ZNF652: variants seen among roughly 807,000 people sequenced by gnomAD.
ZNF652 encodes the protein zinc finger protein 652.
Under a neutral mutation model 45.2 loss-of-function variants are expected in ZNF652, and 16 were observed. That is an observed-to-expected ratio of 0.35 (90% confidence interval 0.24 to 0.54). The LOEUF is 0.54. Among genes scored for constraint, ZNF652 ranks in the 20% least tolerant of loss-of-function variants. ZNF652 has a pLI of 0.91. For synonymous variants in ZNF652, 250 were observed against 260.6 expected, an observed-to-expected ratio of 0.96 and a Z score of 0.39; for missense variants, 614 against 765.6, an observed-to-expected ratio of 0.80 and a Z score of 2.34.
chr17:49,312,685 C>T lies in ZNF652; in HGVS notation c.1048+13G>A, dbSNP rs774378036. The T allele has an allele frequency of 1.8e-5, 29 of 1,610,726 alleles. No individual in the cohort carries two copies. The highest frequency in any genetic ancestry group is 2.3e-5 in the Non-Finnish European group (27 of 1,178,826). On this transcript the variant is annotated intron_variant, in intron 3 of 5. Coordinates refer to ENST00000430262, the MANE Select transcript of ZNF652 (RefSeq NM_001145365.3). ...GAAAATTATAGGTATAAGAGAAAAG[C>T]AGAAAAACTTACCAACCATGTGTTT...
downstream of ZNF652, among the ~76,000 whole-genome samples, chr17:49,289,030 A>G (rs778568707): frequency 6.6e-6 from 1 of 152,162 alleles, no homozygotes; most frequent in Admixed American, 6.6e-5. Flanking sequence ...TCATGAAGAG[A>G]TCAGGCAGGG....
At position 49,317,326 on chromosome 17, in the gene ZNF652, C is replaced by T; in HGVS notation, c.400G>A (p.Glu134Lys). ...TTGGACTGAGAAGAGACACCCTTTT[C>T]CCCTTTAGATACATTTAATGTTTGA... The part of the protein sequence containing the change: ...NNQTLNVSKG[E>K]KGVSSQSKET... Residue 134 changes from glutamate (E) to lysine (K), a missense_variant, in exon 2 of 6, where the codon GAA becomes AAA. Physicochemically the swap from Glu to Lys is moderately conservative, Grantham distance 56. This residue lies in a region of ZNF652 where 262 missense variants were observed against 306.3 expected (regional missense o/e 0.86). Transcript: ENST00000430262. 1 of 1,613,488 alleles carries T rather than the reference C, an allele frequency of 6.2e-7. No homozygotes were observed. The highest frequency in any genetic ancestry group is 8.5e-7 in the Non-Finnish European group (1 of 1,180,032).
At chr17:49,303,240 C>G (rs979579557) in intron 5 of ZNF652, among the ~76,000 whole-genome samples, 1 of 79,902 alleles carries the variant, frequency 1.3e-5, no homozygotes, top group Non-Finnish European at 2.3e-5. Flanking sequence ...TTATTCTTTA[C>G]GCTTATCTTT....
chr17:49,361,824 G>C (rs1339641968), intron 1 of ZNF652, 85 bp downstream of exon 1: 1 of 151,602 alleles, frequency 6.6e-6, no homozygotes, highest in Non-Finnish European at 1.5e-5. Flanking sequence ...AGCCCGGGCC[G>C]GCCCCGCGGG....
intron 1 of ZNF652, among the ~76,000 whole-genome samples, chr17:49,329,947 A>C (rs2070005885): frequency 1.3e-5 from 2 of 152,234 alleles, no homozygotes; most frequent in South Asian, 4.1e-4. Flanking sequence ...CACCACGCCC[A>C]GGGCCAAAGA....
intron 1 of ZNF652, among the ~76,000 whole-genome samples, chr17:49,349,347 C>T (rs1051807973): frequency 3.3e-5 from 5 of 151,980 alleles, no homozygotes; most frequent in South Asian, 2.1e-4. Flanking sequence ...TGCAGTGAGT[C>T]GAGATCACAC....
chr17:49,311,276 G>C, intron 5 of ZNF652, 36 bp downstream of exon 5: 5 of 1,599,794 alleles, frequency 3.1e-6, no homozygotes, highest in Non-Finnish European at 4.3e-6. Context: ...ACAAGTGCTT[G>C]AGACATTATC....
chr17:49,298,274 T>C lies in ZNF652; in HGVS notation c.*139A>G. On this transcript the variant is annotated 3_prime_UTR_variant, in exon 6 of 6. Coordinates refer to ENST00000430262, the MANE Select transcript of ZNF652 (RefSeq NM_001145365.3). ...GTCTTCTTGTTCATTCCCTTGGATC[T>C]GTTGATTCAGTGACACTGGCGAAGC... 2 of 1,051,086 alleles carry C rather than the reference T, an allele frequency of 1.9e-6. No individual in the cohort carries two copies. The highest frequency in any genetic ancestry group is 1.6e-5 in the South Asian group (1 of 60,646). The allele number at this position is 1,051,086 out of a possible 1,614,324, so 65.1% of individuals were successfully genotyped here.
chr17:49,319,635 C>CAA (rs35770760), intron 1 of ZNF652, among the ~76,000 whole-genome samples: 9,670 of 46,236 alleles, frequency 0.21, 1,646 homozygotes, highest in Middle Eastern at 0.26. Flanking sequence ...GACTCTGTCT[C>CAA]AAAAAAAAAA....
chr17:49,352,522 T>C (rs1354775834), intron 1 of ZNF652, among the ~76,000 whole-genome samples: 1 of 152,202 alleles, frequency 6.6e-6, no homozygotes, highest in Non-Finnish European at 1.5e-5. Flanking sequence ...CTGACAAAAA[T>C]GTGGAACAAG....
intron 1 of ZNF652, among the ~76,000 whole-genome samples, chr17:49,344,434 GTTTT>G (rs1415538121): frequency 2.7e-5 from 4 of 150,938 alleles, no homozygotes; most frequent in African/African-American, 9.7e-5. Flanking sequence ...AATTAATAAT[GTTTT>G]TTAATATATA....
At chr17:49,334,788 A>C (rs1181348329) in intron 1 of ZNF652, among the ~76,000 whole-genome samples, 1 of 151,980 alleles carries the variant, frequency 6.6e-6, no homozygotes, top group African/African-American at 2.4e-5. Context: ...CCAAAAAAAA[A>C]AAAAAGGGAA....
intron 1 of ZNF652, among the ~76,000 whole-genome samples, chr17:49,351,952 G>C (rs892151698): frequency 1.3e-5 from 2 of 152,022 alleles, no homozygotes; most frequent in South Asian, 2.1e-4. Context: ...ACACCACTGT[G>C]ATCACACCAC....
chr17:49,354,623 C>A (rs138457781), intron 1 of ZNF652, among the ~76,000 whole-genome samples: 6,128 of 143,968 alleles, frequency 0.043, 233 homozygotes, highest in Middle Eastern at 0.084. Context: ...AAAAAAAAAA[C>A]AAAAAAACAA....
chr17:49,341,759 T>A (rs1275359904), intron 1 of ZNF652, among the ~76,000 whole-genome samples: 3 of 152,164 alleles, frequency 2.0e-5, no homozygotes, highest in Non-Finnish European at 4.4e-5. Flanking sequence ...ACAAAGATCA[T>A]TCCGTAATTA....
In ZNF652 at chr17:49,305,657, C is replaced by CACCATCATT. The variant is rs1180855509; in HGVS notation, c.1309+5646_1309+5654dup. On this transcript the variant is annotated intron_variant, in intron 5 of 5. Transcript: ENST00000430262. ...TACCTGCTATTATCATCATCATCAACACCATCATTACCATTCACCAGACTA... is the reference window on the plus strand; with the variant it reads ...TACCTGCTATTATCATCATCATCAACACCATCATTACCATCATTACCATTCACCAGACTA... 4.6e-5 allele frequency among the ~76,000 whole-genome samples: 7 copies of CACCATCATT among 152,168 alleles called. No homozygotes were observed. The East Asian group carries it at 9.6e-4, about 21-fold the overall frequency.
At chr17:49,307,557 C>T (rs772888727) in intron 5 of ZNF652, among the ~76,000 whole-genome samples, 4 of 140,238 alleles carry the variant, frequency 2.9e-5, no homozygotes, top group Non-Finnish European at 6.1e-5. Context: ...CTGGCCAACA[C>T]AGTGAAACCC....
Position 49,360,750 on chromosome 17 carries a change from G to GA in ZNF652, c.-259+1158dup, listed in dbSNP as rs920310921. ...ACAATACGGGCCTGGCCATCCTCTG[G>GA]AAAAAAAAAATACACATTCTTTCCT... On this transcript the variant is annotated intron_variant, in intron 1 of 5. Coordinates refer to ENST00000430262, the MANE Select transcript of ZNF652 (RefSeq NM_001145365.3). Among the ~76,000 whole-genome samples, 234 of 147,850 alleles carry GA rather than the reference G, an allele frequency of 1.6e-3. 2 individuals are homozygous for GA. The highest frequency in any genetic ancestry group is 5.0e-3 in the African/African-American group (202 of 40,354).
chr17:49,289,727 G>C lies in ZNF652; in HGVS notation c.*8686C>G, dbSNP rs2069379792. On this transcript the variant is annotated 3_prime_UTR_variant, in exon 6 of 6. Transcript: ENST00000430262. The stretch of plus-strand genomic sequence containing the variant: ...TAAACTTCTTTGCAGCATGACAGCT[G>C]CCTGCCCTACACTGAGTCTACTTGA... The C allele has an allele frequency of 6.6e-6, 1 of 152,284 alleles. No homozygotes were observed. The highest frequency in any genetic ancestry group is 2.1e-4 in the South Asian group (1 of 4,836). 9.4% of individuals were successfully genotyped at this position (152,284 alleles called of 1,614,324 possible).
Sources: gnomAD v4.1 joint callset for allele counts (sites outside exome capture counted in the v4.1 genomes callset) on GRCh38, gnomAD v4.1.1 for gene constraint, gnomAD v4.1.1 regional missense constraint, MANE v1.5 for transcripts, NCBI Gene and HGNC (gene_info 2026-07-23, HGNC 2026-07-21) for gene names.